Variants in ZBTB40 observed in about 807,000 individuals in gnomAD.
ZBTB40 encodes zinc finger and BTB domain containing 40.
In ZBTB40, 60 loss-of-function variants were observed where a neutral mutation model predicts 117.5. The observed-to-expected ratio is 0.51, with a 90% CI of 0.41 to 0.63. The LOEUF is 0.63. Ranked by LOEUF, ZBTB40 falls within the 30% of genes least tolerant of loss-of-function variation. ZBTB40 has a pLI of 0.00. For missense variants in ZBTB40, 1,287 were observed against 1,498.5 expected, an observed-to-expected ratio of 0.86 and a Z score of 2.33; for synonymous variants, 525 against 577.1, an observed-to-expected ratio of 0.91 and a Z score of 1.29.
At chr1:22,440,008 T>C (rs1485362091) in intron 1 of ZBTB40, among the ~76,000 whole-genome samples, 2 of 152,198 alleles carry the variant, frequency 1.3e-5, no homozygotes, top group Non-Finnish European at 2.9e-5. Flanking sequence ...CTTTCAGTAA[T>C]GTTTTATAGT....
chr1:22,497,020 C>CA (rs1226024652), intron 3 of ZBTB40, among the ~76,000 whole-genome samples: 1 of 152,204 alleles, frequency 6.6e-6, no homozygotes, highest in Admixed American at 6.5e-5. Flanking sequence ...TCCAAGAATG[C>CA]AAATGCTGAA....
intron 1 of ZBTB40, among the ~76,000 whole-genome samples, chr1:22,481,734 C>G (rs904809790): frequency 1.5e-5 from 2 of 135,332 alleles, no homozygotes; most frequent in South Asian, 4.5e-4. Context: ...TAATGTATGT[C>G]CAGGTAAGTC....
At chr1:22,438,079 G>T (rs759849178) in intron 1 of ZBTB40, among the ~76,000 whole-genome samples, 1 of 151,940 alleles carries the variant, frequency 6.6e-6, no homozygotes, top group South Asian at 2.1e-4. Flanking sequence ...GCAGTGAGCC[G>T]AGATCGCACC....
In ZBTB40 at chr1:22,520,125, G is replaced by A; in HGVS notation, c.2898G>A (p.Arg966=). The change falls in exon 14 of 18, where the codon CGG becomes CGA. Residue 966 remains arginine (R), a synonymous_variant. Coordinates refer to ENST00000375647, the MANE Select transcript of ZBTB40 (RefSeq NM_014870.4). ...RMSFPTLQDH[R]KHIHEVHSKE... is the part of the protein sequence containing the mutation. ...GTTTCCCCACTCTTCAGGATCACCGGAAGCACATCCATGAGGTGCACTCCA... is the reference window on the plus strand; with the variant it reads ...GTTTCCCCACTCTTCAGGATCACCGAAAGCACATCCATGAGGTGCACTCCA... 1 of 1,614,176 alleles carries A rather than the reference G, an allele frequency of 6.2e-7. No individual in the cohort carries two copies. The highest frequency in any genetic ancestry group is 8.5e-7 in the Non-Finnish European group (1 of 1,180,040).
intron 17 of ZBTB40, among the ~76,000 whole-genome samples, chr1:22,524,714 A>C (rs144973581): frequency 1.8e-4 from 28 of 152,290 alleles, no homozygotes; most frequent in African/African-American, 6.3e-4. Flanking sequence ...CCTCCTGAGA[A>C]ACACCGTGGG....
rs977640246 is a variant in ZBTB40 at position 22,502,551 on chromosome 1, A to G, written c.1167+110A>G. On this transcript the variant is annotated intron_variant, in intron 5 of 17. Transcript: ENST00000375647. ...TTTGCAGTATTTTAATACATACTGC[A>G]TAGTAAGCATCTCGAAGTCAAGGTG... is the stretch of plus-strand genomic sequence containing the variant. The G allele has an allele frequency of 6.3e-6, 9 of 1,425,756 alleles. 1 individual carries two copies. Among genetic ancestry groups the G allele is most frequent in the South Asian group, 4.7e-5 (4 of 85,374 alleles). The allele number at this position is 1,425,756 out of a possible 1,614,324, so 88.3% of individuals were successfully genotyped here. A position where few individuals can be genotyped will look rare whatever the true frequency, so the allele number is the denominator to read the frequency against.
At chr1:22,442,213 CAT>C (rs1201707252) in intron 1 of ZBTB40, among the ~76,000 whole-genome samples, 16 of 152,294 alleles carry the variant, frequency 1.1e-4, no homozygotes, top group Admixed American at 8.5e-4. Context: ...GAAAATGTCT[CAT>C]GTGCACATGA....
At chr1:22,489,661 G>A (rs548203144) in intron 1 of ZBTB40, among the ~76,000 whole-genome samples, 19 of 152,206 alleles carry the variant, frequency 1.2e-4, no homozygotes, top group African/African-American at 2.2e-4. Context: ...AAATGAGACC[G>A]TCCATACAAA....
At chr1:22,478,361 T>C (rs937800250) in intron 1 of ZBTB40, among the ~76,000 whole-genome samples, 1 of 152,106 alleles carries the variant, frequency 6.6e-6, no homozygotes, top group Non-Finnish European at 1.5e-5. Flanking sequence ...CTTTCTCCTG[T>C]CTCAGCCTCC....
chr1:22,458,225 T>A (rs1479425063), intron 1 of ZBTB40, among the ~76,000 whole-genome samples: 1 of 152,246 alleles, frequency 6.6e-6, no homozygotes, highest in Non-Finnish European at 1.5e-5. Context: ...CTGTTACCAG[T>A]GGTCTTTATA....
chr1:22,511,204 C>G lies in ZBTB40; in HGVS notation c.1859C>G (p.Ala620Gly), dbSNP rs1423244515. ...ATTCTGAGCATTCCCTCTGAGACAG[C>G]CAGCCCTGAAGCTTCCCTGAGAGCA... ...KEILSIPSET[A>G]SPEASLRAVL... The change falls in exon 10 of 18, where the codon GCC becomes GGC. Residue 620 changes from alanine (A) to glycine (G), a missense_variant. Coordinates refer to ENST00000375647, the MANE Select transcript of ZBTB40 (RefSeq NM_014870.4). The G allele has an allele frequency of 3.1e-6, 5 of 1,613,828 alleles. No homozygotes were observed. Among genetic ancestry groups the G allele is most frequent in the South Asian group, 2.2e-5 (2 of 91,078 alleles).
chr1:22,522,019 CCT>C (rs1639540509), intron 15 of ZBTB40, among the ~76,000 whole-genome samples: 2 of 152,320 alleles, frequency 1.3e-5, no homozygotes, highest in South Asian at 4.1e-4. Context: ...GAGCCTGTTT[CCT>C]TCTCTCCAGG....
intron 1 of ZBTB40, among the ~76,000 whole-genome samples, chr1:22,456,713 G>T (rs1158015154): frequency 6.6e-6 from 1 of 152,174 alleles, no homozygotes; most frequent in Non-Finnish European, 1.5e-5. Context: ...TGTCTAAAGT[G>T]GTCAAGCATA....
intron 1 of ZBTB40, among the ~76,000 whole-genome samples, chr1:22,460,478 C>T (rs1641105292): frequency 6.6e-6 from 1 of 152,114 alleles, no homozygotes; most frequent in Admixed American, 6.5e-5. Context: ...TGAACACATA[C>T]AAAATACCAG....
At chr1:22,463,696 G>T (rs1272580178) in intron 1 of ZBTB40, among the ~76,000 whole-genome samples, 1 of 152,244 alleles carries the variant, frequency 6.6e-6, no homozygotes, top group Non-Finnish European at 1.5e-5. Context: ...GCATGGCCTG[G>T]AAAGGCACCT....
chr1:22,529,817 A>G lies in ZBTB40; in HGVS notation c.*3421A>G, dbSNP rs1023897074. 5.3e-5 allele frequency: 8 copies of G among 152,218 alleles called. No individual in the cohort carries two copies. Among genetic ancestry groups the G allele is most frequent in the African/African-American group, 1.7e-4 (7 of 41,404 alleles). 9.4% of individuals were successfully genotyped at this position (152,218 alleles called of 1,614,324 possible). On this transcript the variant is annotated 3_prime_UTR_variant, in exon 18 of 18. Transcript: ENST00000375647. ...TGACCACGGAAGGCATGTCAGCTTC[A>G]TGCCTCGGGCTAGAGTTCTGATAAT...
chr1:22,487,357 G>T (rs1428881747), intron 1 of ZBTB40, among the ~76,000 whole-genome samples: 1 of 152,138 alleles, frequency 6.6e-6, no homozygotes. Flanking sequence ...TTTGACATAT[G>T]TCTTTCCGCC....
chr1:22,504,221 A>G (rs1055883058), intron 5 of ZBTB40, among the ~76,000 whole-genome samples: 4 of 152,198 alleles, frequency 2.6e-5, no homozygotes, highest in African/African-American at 2.4e-5. Context: ...GGCCTTTTCA[A>G]ACTTTTTTTC....
chr1:22,502,055 A>C (rs1361769599), intron 4 of ZBTB40, among the ~76,000 whole-genome samples: 1 of 152,208 alleles, frequency 6.6e-6, no homozygotes, highest in African/African-American at 2.4e-5. Flanking sequence ...TGCCAACCAG[A>C]AGTTAACCTC....
Sources: allele counts gnomAD v4.1 joint callset (sites outside exome capture counted in the v4.1 genomes callset), GRCh38; gene constraint gnomAD v4.1.1; transcripts MANE v1.5; gene names NCBI Gene and HGNC (gene_info 2026-07-23, HGNC 2026-07-21).